The following CSMD1 variants were observed in gnomAD, a reference collection of about 807,000 sequenced individuals.
The protein encoded by CSMD1 is CUB and Sushi multiple domains 1, also known as CUB and sushi domain-containing protein 1.
A neutral mutation model predicts 417.5 loss-of-function variants in CSMD1; 213 were observed. The ratio of observed to expected loss-of-function variants is 0.51; its 90% CI spans 0.46 to 0.57. The LOEUF is 0.57. CSMD1 is among the 20% of genes least tolerant of loss of function. The probability of loss-of-function intolerance (pLI) is 0.00; values close to 1 mark genes in which losing one functional copy is unlikely to be tolerated. For missense variants in CSMD1, 6,923 were observed against 4,529.7 expected (o/e 1.53, Z -15.17); for synonymous variants, 2,862 against 1,736.8 (o/e 1.65, Z -16.11).
intron 1 of CSMD1, among the ~76,000 whole-genome samples, chr8:4,772,978 T>C (rs1189497247): frequency 6.6e-6 from 1 of 152,164 alleles, no homozygotes; most frequent in African/African-American, 2.4e-5. Flanking sequence ...TAAAGATACA[T>C]GGATGAGTAT....
intron 5 of CSMD1, among the ~76,000 whole-genome samples, chr8:3,867,314 T>C (rs17067808): frequency 0.013 from 1,975 of 152,288 alleles, 36 homozygotes; most frequent in African/African-American, 0.044. Context: ...GTCTAATGAT[T>C]ACCACAAACA....
intron 5 of CSMD1, among the ~76,000 whole-genome samples, chr8:3,795,132 G>GATATAGACAC (rs1799982790): frequency 1.6e-5 from 1 of 62,320 alleles, no homozygotes; most frequent in African/African-American, 5.7e-5. Flanking sequence ...ATCATGTACA[G>GATATAGACAC]CTATAGATAT....
At chr8:3,329,608 C>T (rs1806764222) in intron 23 of CSMD1, among the ~76,000 whole-genome samples, 1 of 152,144 alleles carries the variant, frequency 6.6e-6, no homozygotes, top group African/African-American at 2.4e-5. Context: ...GAGTGCGTCC[C>T]CTTCACAGGT....
intron 3 of CSMD1, among the ~76,000 whole-genome samples, chr8:4,184,712 G>T (rs1326359300): frequency 6.6e-6 from 1 of 152,176 alleles, no homozygotes; most frequent in Admixed American, 6.5e-5. Context: ...GGTGGGAGGA[G>T]GGAGGGGACC....
chr8:3,315,057 G>A (rs78199697), intron 23 of CSMD1, among the ~76,000 whole-genome samples: 1,616 of 152,230 alleles, frequency 0.011, 33 homozygotes, highest in African/African-American at 0.037. Flanking sequence ...AAAGCTTGAA[G>A]TATTTACAAA....
intron 1 of CSMD1, among the ~76,000 whole-genome samples, chr8:4,737,506 A>C (rs1431203037): frequency 6.6e-6 from 1 of 152,234 alleles, no homozygotes; most frequent in African/African-American, 2.4e-5. Flanking sequence ...AATTAAAAAA[A>C]AACATAAAAC....
intron 1 of CSMD1, among the ~76,000 whole-genome samples, chr8:4,684,311 C>G (rs142305926): frequency 6.6e-6 from 1 of 152,114 alleles, no homozygotes; most frequent in Non-Finnish European, 1.5e-5. Context: ...TGGTAAAAAT[C>G]GGTTTTCTGT....
intron 51 of CSMD1, among the ~76,000 whole-genome samples, chr8:3,026,236 T>A (rs1327138106): frequency 6.6e-6 from 1 of 151,876 alleles, no homozygotes; most frequent in South Asian, 2.1e-4. Context: ...TATTTCCCCA[T>A]CAGCAGCAGC....
chr8:3,104,348 G>C (rs1168531297), intron 46 of CSMD1, among the ~76,000 whole-genome samples: 1 of 152,110 alleles, frequency 6.6e-6, no homozygotes, highest in Non-Finnish European at 1.5e-5. Context: ...TGGATCTCCT[G>C]ACTTTGCACC....
intron 49 of CSMD1, among the ~76,000 whole-genome samples, chr8:3,075,993 G>A (rs1311805847): frequency 6.6e-6 from 1 of 151,630 alleles, no homozygotes; most frequent in African/African-American, 2.4e-5. Flanking sequence ...GCAGCTTGCA[G>A]TGAGCCGAGA....
At chr8:3,592,620 G>A (rs747156810) in intron 8 of CSMD1, among the ~76,000 whole-genome samples, 2 of 152,126 alleles carry the variant, frequency 1.3e-5, no homozygotes, top group Non-Finnish European at 2.9e-5. Context: ...CTGTGAGCAG[G>A]AGGAAGGGTG....
chr8:4,323,946 G>C (rs867347303), intron 3 of CSMD1, among the ~76,000 whole-genome samples: 1 of 152,266 alleles, frequency 6.6e-6, no homozygotes. Flanking sequence ...CAGGCATTCA[G>C]ACTACTGGGC....
At chr8:3,859,064 G>A (rs1181946852) in intron 5 of CSMD1, among the ~76,000 whole-genome samples, 2 of 152,120 alleles carry the variant, frequency 1.3e-5, no homozygotes, top group Admixed American at 6.6e-5. Flanking sequence ...TTATTCATGT[G>A]TTATGTGATA....
At chr8:3,726,338 G>A (rs565038615) in intron 6 of CSMD1, among the ~76,000 whole-genome samples, 18 of 152,126 alleles carry the variant, frequency 1.2e-4, no homozygotes, top group Admixed American at 3.9e-4. Flanking sequence ...TAATAATTCC[G>A]GTAATTTATT....
In CSMD1 at chr8:3,091,512, T is replaced by A. The variant is rs375145734; in HGVS notation, c.7285+4A>T. On this transcript the variant is annotated splice_donor_region_variant and intron_variant, in intron 48 of 69. Transcript: ENST00000635120. ...CATATAAAATCTAAACCTCATTTAC[T>A]TACCTGCATAGCGAATCTTGAATCC... 6.0e-5 allele frequency: 96 copies of A among 1,592,478 alleles called. No individual in the cohort carries two copies. In the African/African-American group the frequency reaches 1.1e-3, roughly 19 times the overall value.
At chr8:2,996,437 A>G (rs1282326916) in intron 54 of CSMD1, among the ~76,000 whole-genome samples, 1 of 152,248 alleles carries the variant, frequency 6.6e-6, no homozygotes, top group South Asian at 2.1e-4. Context: ...TAAAGAAATG[A>G]AGCATATTGC....
chr8:3,391,859 G>C (rs989498926), intron 17 of CSMD1, among the ~76,000 whole-genome samples: 2 of 152,156 alleles, frequency 1.3e-5, no homozygotes, highest in African/African-American at 2.4e-5. Flanking sequence ...CAGAAAGCAA[G>C]GAGTGTTTAT....
At chr8:3,977,395 C>T (rs1387703724) in intron 5 of CSMD1, among the ~76,000 whole-genome samples, 3 of 152,036 alleles carry the variant, frequency 2.0e-5, no homozygotes, top group African/African-American at 4.8e-5. Flanking sequence ...AGAGAAATTT[C>T]TAAAGGTTTT....
At chr8:4,081,508 G>A (rs887748363) in intron 3 of CSMD1, among the ~76,000 whole-genome samples, 3 of 152,156 alleles carry the variant, frequency 2.0e-5, no homozygotes, top group South Asian at 4.1e-4. Flanking sequence ...ACATGACAAG[G>A]AACTGGGGTC....
Sources: gnomAD v4.1 joint callset for allele counts (sites outside exome capture counted in the v4.1 genomes callset) on GRCh38, gnomAD v4.1.1 for gene constraint, MANE v1.5 for transcripts, NCBI Gene and HGNC (gene_info 2026-07-23, HGNC 2026-07-21) for gene names.